Variants in NEBL observed in about 807,000 individuals in gnomAD.
NEBL encodes nebulette, also known as LIM and SH3 protein 2.
In NEBL, 122 loss-of-function variants were observed where a neutral mutation model predicts 140.2. The ratio of observed to expected loss-of-function variants is 0.87; its 90% CI spans 0.75 to 1.01. NEBL has a LOEUF of 1.01. Among genes scored for constraint, NEBL ranks in the 50% least tolerant of loss-of-function variants. The probability of loss-of-function intolerance (pLI) is 0.00; values close to 1 mark genes in which losing one functional copy is unlikely to be tolerated. For synonymous variants in NEBL, 436 were observed against 398.9 expected (o/e 1.09, Z -1.11); for missense variants, 1,365 against 1,231.3 (o/e 1.11, Z -1.62).
chr10:21,101,130 T>C (rs1366198065), intron 2 of NEBL, among the ~76,000 whole-genome samples: 1 of 152,190 alleles, frequency 6.6e-6, no homozygotes, highest in African/African-American at 2.4e-5. Context: ...CCTAGCCACA[T>C]GACTCAAGTC....
chr10:20,934,167 G>A (rs1329599106), intron 4 of NEBL, among the ~76,000 whole-genome samples: 2 of 152,128 alleles, frequency 1.3e-5, no homozygotes, highest in Admixed American at 6.6e-5. Flanking sequence ...TTCACAGACA[G>A]GTCTACGGTC....
intron 2 of NEBL, among the ~76,000 whole-genome samples, chr10:21,167,576 G>T (rs540129016): frequency 6.6e-6 from 1 of 152,090 alleles, no homozygotes; most frequent in African/African-American, 2.4e-5. Context: ...CTTCTAAGTG[G>T]TAATACCTCT....
intron 3 of NEBL, among the ~76,000 whole-genome samples, chr10:21,239,799 A>G (rs1316525825): frequency 6.6e-6 from 1 of 151,936 alleles, no homozygotes; most frequent in East Asian, 2.0e-4. Context: ...GGCGGATTAC[A>G]AGGTCAGGAG....
chr10:21,246,705 ATGCC>A (rs1295836601), intron 3 of NEBL, among the ~76,000 whole-genome samples: 2 of 152,060 alleles, frequency 1.3e-5, no homozygotes, highest in African/African-American at 4.8e-5. Context: ...GTGGTGGTGC[ATGCC>A]TGTAGTTCCA....
chr10:20,977,843 G>T (rs1189171195), intron 3 of NEBL, among the ~76,000 whole-genome samples: 1 of 152,154 alleles, frequency 6.6e-6, no homozygotes, highest in African/African-American at 2.4e-5. Context: ...ATTCAGTCTT[G>T]CAATGCAAGG....
chr10:21,102,708 A>G (rs957819906), intron 2 of NEBL, among the ~76,000 whole-genome samples: 37 of 152,304 alleles, frequency 2.4e-4, no homozygotes, highest in Admixed American at 1.4e-3. Context: ...AAATTTAACC[A>G]TGTACCTGTT....
intron 2 of NEBL, among the ~76,000 whole-genome samples, chr10:21,165,666 C>T (rs1046898172): frequency 9.2e-5 from 14 of 152,164 alleles, no homozygotes; most frequent in African/African-American, 3.4e-4. Context: ...TATGCAGATA[C>T]ATGGGACAGA....
intron 2 of NEBL, among the ~76,000 whole-genome samples, chr10:21,033,757 GA>G (rs1258026396): frequency 7.2e-6 from 1 of 138,380 alleles, no homozygotes; most frequent in Non-Finnish European, 1.6e-5. Context: ...AAAAAAAAAA[GA>G]AAGAAAAGAA....
intron 3 of NEBL, among the ~76,000 whole-genome samples, chr10:21,215,352 G>C (rs1421011146): frequency 1.3e-5 from 2 of 152,124 alleles, no homozygotes; most frequent in African/African-American, 2.4e-5. Context: ...TGAAGAATAT[G>C]TGTTTGCAAT....
chr10:21,225,824 A>C (rs1304785122), intron 3 of NEBL, among the ~76,000 whole-genome samples: 2 of 152,160 alleles, frequency 1.3e-5, no homozygotes, highest in African/African-American at 4.8e-5. Context: ...AATGCTAGCC[A>C]AGAGCCAAGC....
At chr10:20,946,422 G>A (rs1835163855) in intron 4 of NEBL, among the ~76,000 whole-genome samples, 1 of 152,086 alleles carries the variant, frequency 6.6e-6, no homozygotes, top group South Asian at 2.1e-4. Flanking sequence ...CTTGAGCCAG[G>A]AGTAGCTACG....
chr10:21,173,981 G>T lies in NEBL; in HGVS notation c.-148C>A. On this transcript the variant is annotated 5_prime_UTR_variant, in exon 1 of 7. Coordinates refer to the NEBL transcript ENST00000417816. This position sits in a 1 kb window ranked among gnomAD's most constrained non-coding sequence, Gnocchi z 5.7. The stretch of plus-strand genomic sequence containing the variant: ...GGTAGGGAGTCGGCGCCGGGCCACG[G>T]GTGAGTGCACGGGGAGGGCGACGGG... 7.5e-7 allele frequency: 1 copy of T among 1,336,532 alleles called. No homozygotes were observed. Among genetic ancestry groups the T allele is most frequent in the Middle Eastern group, 2.9e-4 (1 of 3,476 alleles). 82.8% of individuals were successfully genotyped at this position (1,336,532 alleles called of 1,614,324 possible).
chr10:21,271,374 G>A (rs779431868), intron 1 of NEBL, among the ~76,000 whole-genome samples: 8 of 152,156 alleles, frequency 5.3e-5, no homozygotes, highest in South Asian at 2.1e-4. Flanking sequence ...GGTTGCTAGC[G>A]GCTGGAGGGC....
At chr10:20,994,336 G>A (rs1326066584) in intron 3 of NEBL, among the ~76,000 whole-genome samples, 5 of 152,140 alleles carry the variant, frequency 3.3e-5, no homozygotes, top group South Asian at 2.1e-4. Context: ...CAAAGTACAG[G>A]GAAGCCAACT....
intron 2 of NEBL, among the ~76,000 whole-genome samples, chr10:21,128,682 A>G (rs1236146772): frequency 6.6e-6 from 1 of 152,214 alleles, no homozygotes; most frequent in Non-Finnish European, 1.5e-5. Flanking sequence ...AAGACCAACA[A>G]GAGAACATCA....
chr10:21,169,061 A>ATATATATATAT (rs1192477617), intron 2 of NEBL, among the ~76,000 whole-genome samples: 1 of 41,728 alleles, frequency 2.4e-5, no homozygotes, highest in African/African-American at 7.4e-5. Flanking sequence ...AAAAAAAAAA[A>ATATATATATAT]AAAAAAATAT....
At chr10:20,800,425 A>G (rs760426740) in intron 26 of NEBL, among the ~76,000 whole-genome samples, 4 of 152,166 alleles carry the variant, frequency 2.6e-5, no homozygotes, top group Non-Finnish European at 5.9e-5. Context: ...TAAAAATGCA[A>G]TGAACATGGG....
intron 4 of NEBL, among the ~76,000 whole-genome samples, chr10:20,921,715 T>A (rs1269978108): frequency 2.6e-5 from 4 of 152,134 alleles, no homozygotes; most frequent in African/African-American, 9.6e-5. Context: ...TGCACCTTAA[T>A]ATGTGACAAC....
chr10:21,139,105 C>T (rs1839495104), intron 2 of NEBL, among the ~76,000 whole-genome samples: 1 of 152,128 alleles, frequency 6.6e-6, no homozygotes, highest in Admixed American at 6.5e-5. Context: ...ACAATATGTA[C>T]ACAGAGCTCT....
Sources: gnomAD v4.1 joint callset for allele counts (sites outside exome capture counted in the v4.1 genomes callset) on GRCh38, gnomAD v4.1.1 for gene constraint, Gnocchi (gnomAD v3.1) non-coding constraint, MANE v1.5 for transcripts, NCBI Gene and HGNC (gene_info 2026-07-23, HGNC 2026-07-21) for gene names.